DLGAP1: variants seen among roughly 807,000 people sequenced by gnomAD.
DLGAP1 encodes DLG associated protein 1, also known as disks large-associated protein 1.
Under a neutral mutation model 90.8 loss-of-function variants are expected in DLGAP1, and 11 were observed. The ratio of observed to expected loss-of-function variants is 0.12; its 90% CI spans 0.08 to 0.20. The LOEUF is 0.20. DLGAP1 is among the 10% of genes least tolerant of loss of function. The probability of loss-of-function intolerance (pLI) is 1.00; values close to 1 mark genes in which losing one functional copy is unlikely to be tolerated. For missense variants in DLGAP1, 1,050 were observed against 1,333.8 expected, an observed-to-expected ratio of 0.79 and a Z score of 3.31; for synonymous variants, 558 against 540.7, an observed-to-expected ratio of 1.03 and a Z score of -0.44.
At chr18:3,961,755 C>A (rs542168927) in intron 3 of DLGAP1, among the ~76,000 whole-genome samples, 146 of 152,306 alleles carry the variant, frequency 9.6e-4, no homozygotes, top group Admixed American at 9.1e-3. Flanking sequence ...ATTCTACCAT[C>A]CCAGGTACCT....
intron 4 of DLGAP1, among the ~76,000 whole-genome samples, chr18:3,848,837 C>T (rs1384996837): frequency 6.6e-6 from 1 of 152,188 alleles, no homozygotes; most frequent in Admixed American, 6.5e-5. Flanking sequence ...TCTCCTCTTC[C>T]ACTGTCCTTC....
At chr18:3,765,501 G>T (rs750064268) in intron 5 of DLGAP1, among the ~76,000 whole-genome samples, 62 of 151,600 alleles carry the variant, frequency 4.1e-4, no homozygotes, top group African/African-American at 1.4e-3. Context: ...ATTAGATTCT[G>T]ATAAATTATA....
intron 2 of DLGAP1, among the ~76,000 whole-genome samples, chr18:4,140,625 T>C (rs905251840): frequency 1.3e-5 from 2 of 152,044 alleles, no homozygotes. Flanking sequence ...TACTTACTTT[T>C]ACTGGTGAGT....
At chr18:3,701,981 G>A (rs1224013908) in intron 7 of DLGAP1, among the ~76,000 whole-genome samples, 1 of 152,112 alleles carries the variant, frequency 6.6e-6, no homozygotes, top group Non-Finnish European at 1.5e-5. Flanking sequence ...GTAAGGTTGA[G>A]ATGTATACAT....
chr18:3,704,468 G>T (rs1194674731), intron 7 of DLGAP1, among the ~76,000 whole-genome samples: 1 of 152,128 alleles, frequency 6.6e-6, no homozygotes, highest in East Asian at 1.9e-4. Context: ...TACTCGGGAG[G>T]CTGAGGCAGG....
intron 1 of DLGAP1, among the ~76,000 whole-genome samples, chr18:4,235,176 C>T (rs1233065022): frequency 3.9e-5 from 6 of 152,254 alleles, no homozygotes; most frequent in African/African-American, 1.4e-4. Context: ...TGAAGCACTC[C>T]TTCAAATTAG....
At chr18:3,558,475 C>T (rs897345019) in intron 9 of DLGAP1, among the ~76,000 whole-genome samples, 5 of 152,080 alleles carry the variant, frequency 3.3e-5, no homozygotes, top group Admixed American at 1.3e-4. Flanking sequence ...TCAAGTGATC[C>T]GCCCACCTTG....
chr18:3,632,300 TTTTC>T (rs2146198223), intron 7 of DLGAP1, among the ~76,000 whole-genome samples: 1 of 151,734 alleles, frequency 6.6e-6, no homozygotes, highest in South Asian at 2.1e-4. Flanking sequence ...ATATTTTTTC[TTTTC>T]TTTTTTTTTT....
At chr18:3,684,969 T>C (rs1317708311) in intron 7 of DLGAP1, among the ~76,000 whole-genome samples, 7 of 152,232 alleles carry the variant, frequency 4.6e-5, no homozygotes, top group African/African-American at 1.7e-4. Context: ...TAATCCTGTA[T>C]TGGGTATTCC....
At chr18:3,855,444 A>C (rs1490106140) in intron 4 of DLGAP1, among the ~76,000 whole-genome samples, 1 of 152,196 alleles carries the variant, frequency 6.6e-6, no homozygotes, top group African/African-American at 2.4e-5. Context: ...AAAGTAAAAA[A>C]AAAGCTGAAG....
intron 6 of DLGAP1, among the ~76,000 whole-genome samples, chr18:3,732,088 C>G (rs1477824929): frequency 2.0e-5 from 3 of 152,134 alleles, no homozygotes. Flanking sequence ...CTTATTTTGA[C>G]TTATCTATTG....
chr18:4,442,302 A>C (rs2658245), intron 1 of DLGAP1, among the ~76,000 whole-genome samples: 1 of 151,792 alleles, frequency 6.6e-6, no homozygotes, highest in African/African-American at 2.4e-5. Context: ...CCAGCCCTGA[A>C]ATCACTTTCT....
chr18:4,268,196 G>C (rs1010891293), intron 1 of DLGAP1, among the ~76,000 whole-genome samples: 1 of 152,182 alleles, frequency 6.6e-6, no homozygotes, highest in African/African-American at 2.4e-5. Context: ...AACTTCATTA[G>C]AGATGAGGGG....
At chr18:3,617,282 G>C (rs2057907290) in intron 7 of DLGAP1, among the ~76,000 whole-genome samples, 2 of 152,148 alleles carry the variant, frequency 1.3e-5, no homozygotes. Flanking sequence ...CCAATCACCT[G>C]ATCTTTCTAT....
At chr18:3,797,621 A>T (rs1014816715) in intron 5 of DLGAP1, among the ~76,000 whole-genome samples, 6 of 152,246 alleles carry the variant, frequency 3.9e-5, no homozygotes, top group African/African-American at 1.2e-4. Context: ...GCTGGTGAGC[A>T]TGAAAACAGA....
At chr18:3,740,162 C>A (rs2062838690) in intron 6 of DLGAP1, among the ~76,000 whole-genome samples, 1 of 152,288 alleles carries the variant, frequency 6.6e-6, no homozygotes, top group Non-Finnish European at 1.5e-5. Flanking sequence ...CTGATGTATT[C>A]TGCATGTATG....
intron 1 of DLGAP1, among the ~76,000 whole-genome samples, chr18:4,407,138 C>T (rs1269352651): frequency 6.6e-6 from 1 of 152,106 alleles, no homozygotes; most frequent in Non-Finnish European, 1.5e-5. Flanking sequence ...TAAGTTTAAT[C>T]CCACTTTAGC....
chr18:3,517,629 C>A lies in DLGAP1; in HGVS notation c.2480-8968G>T, dbSNP rs1056238625. 6.6e-6 allele frequency among the ~76,000 whole-genome samples: 1 copy of A among 152,022 alleles called. No individual in the cohort carries two copies. Among genetic ancestry groups the A allele is most frequent in the Non-Finnish European group, 1.5e-5 (1 of 68,000 alleles). The stretch of plus-strand genomic sequence containing the variant: ...GGTCAGGAGGTCGAGACAAGCCTGA[C>A]CAACATGGTGAAACCAAGTCTCTAC... On this transcript the variant is annotated intron_variant, in intron 10 of 12. Transcript: ENST00000315677. This position sits in a 1 kb window ranked among gnomAD's most constrained non-coding sequence, Gnocchi z 4.1.
chr18:4,327,178 T>C (rs2080840177), intron 1 of DLGAP1, among the ~76,000 whole-genome samples: 1 of 152,100 alleles, frequency 6.6e-6, no homozygotes, highest in Non-Finnish European at 1.5e-5. Flanking sequence ...TAATAATGTA[T>C]TGTGTATTTC....
Sources: allele counts gnomAD v4.1 joint callset (sites outside exome capture counted in the v4.1 genomes callset), GRCh38; gene constraint gnomAD v4.1.1; non-coding constraint Gnocchi (gnomAD v3.1); transcripts MANE v1.5; gene names NCBI Gene and HGNC (gene_info 2026-07-23, HGNC 2026-07-21).